Variants in IKZF2 observed in about 807,000 individuals in gnomAD.
IKZF2 encodes IKAROS family zinc finger 2.
In IKZF2, 15 loss-of-function variants were observed where a neutral mutation model predicts 49.2. The observed-to-expected ratio is 0.30, with a 90% CI of 0.20 to 0.47. IKZF2 has a LOEUF of 0.47. Among genes scored for constraint, IKZF2 ranks in the 20% least tolerant of loss-of-function variants. IKZF2 has a pLI of 1.00. For synonymous variants in IKZF2, 227 were observed against 221.4 expected, an observed-to-expected ratio of 1.03 and a Z score of -0.23; for missense variants, 567 against 664.6, an observed-to-expected ratio of 0.85 and a Z score of 1.61.
At chr2:213,041,532 G>C (rs987682106) in intron 6 of IKZF2, among the ~76,000 whole-genome samples, 1 of 151,996 alleles carries the variant, frequency 6.6e-6, no homozygotes, top group African/African-American at 2.4e-5. Context: ...TCGATCTCCT[G>C]ACCTCATGAT....
intron 4 of IKZF2, among the ~76,000 whole-genome samples, chr2:213,109,262 A>G (rs1020177420): frequency 3.3e-5 from 5 of 152,022 alleles, no homozygotes; most frequent in Admixed American, 2.6e-4. Context: ...AGCAGTGAAA[A>G]TTTTATAATC....
chr2:213,114,327 C>A (rs1368211137), intron 4 of IKZF2, among the ~76,000 whole-genome samples: 1 of 152,034 alleles, frequency 6.6e-6, no homozygotes, highest in Non-Finnish European at 1.5e-5. Flanking sequence ...TAAATTGTTA[C>A]AGAAACATCT....
intron 6 of IKZF2, among the ~76,000 whole-genome samples, chr2:213,022,632 A>G (rs150590658): frequency 6.6e-6 from 1 of 152,346 alleles, no homozygotes; most frequent in African/African-American, 2.4e-5. Context: ...AAAGAACTCA[A>G]GTGGTGAGAA....
intron 6 of IKZF2, among the ~76,000 whole-genome samples, chr2:213,039,366 T>C (rs1699387651): frequency 6.6e-6 from 1 of 152,074 alleles, no homozygotes; most frequent in Non-Finnish European, 1.5e-5. Context: ...TATATATATA[T>C]ACTAAAAATG....
Position 213,147,793 on chromosome 2 carries a change from G to C in IKZF2, c.54C>G (p.Pro18=). 1 of 1,613,054 alleles carries C rather than the reference G, an allele frequency of 6.2e-7. No homozygotes were observed. The highest frequency in any genetic ancestry group is 1.3e-5 in the African/African-American group (1 of 74,992). Residue 18 remains proline, a synonymous_variant, in exon 4 of 9, where the codon CCC becomes CCG. Coordinates refer to ENST00000434687, the MANE Select transcript of IKZF2 (RefSeq NM_001387220.1). ...TTGCCATATTGGAGTGCTCCCTTTC[G>C]GGTGAAAGCTCATTGTCACCTGCTT... is the stretch of plus-strand genomic sequence containing the variant. The part of the protein sequence containing the change: ...GYITCDNELS[P]EREHSNMAID...
At chr2:213,150,786 C>T (rs934870457) in intron 1 of IKZF2, among the ~76,000 whole-genome samples, 1 of 151,282 alleles carries the variant, frequency 6.6e-6, no homozygotes, top group African/African-American at 2.4e-5. Flanking sequence ...CTGTTTTTGG[C>T]CCTTGGCAAA....
chr2:213,103,200 T>C (rs1266892557), intron 4 of IKZF2, among the ~76,000 whole-genome samples: 1 of 152,156 alleles, frequency 6.6e-6, no homozygotes, highest in Non-Finnish European at 1.5e-5. Context: ...ACTCAGTCAG[T>C]AGCTAGTTAT....
chr2:213,036,205 T>C (rs1321857446), intron 6 of IKZF2, among the ~76,000 whole-genome samples: 1 of 152,092 alleles, frequency 6.6e-6, no homozygotes, highest in Non-Finnish European at 1.5e-5. Flanking sequence ...CAATAATACA[T>C]TGTTGCCAAA....
At position 213,002,958 on chromosome 2, in the gene IKZF2, TTGTAATCA is replaced by T. The variant is rs966263583; in HGVS notation, c.*4394_*4401del. Reference sequence around the variant, plus strand: ...CACTCTATATTTTACCTGCATAATCTTGTAATCATATTCAGAAATACTATGAAACTAAA... The same window carrying T: ...CACTCTATATTTTACCTGCATAATCTTATTCAGAAATACTATGAAACTAAA... On this transcript the variant is annotated 3_prime_UTR_variant, in exon 9 of 9. Transcript: ENST00000434687. 2.0e-4 allele frequency: 31 copies of T among 152,128 alleles called. No homozygotes were observed. Among genetic ancestry groups the T allele is most frequent in the African/African-American group, 7.0e-4 (29 of 41,538 alleles). 9.4% of individuals were successfully genotyped at this position (152,128 alleles called of 1,614,324 possible).
chr2:213,070,187 A>G (rs1200629284), intron 4 of IKZF2, among the ~76,000 whole-genome samples: 1 of 152,166 alleles, frequency 6.6e-6, no homozygotes, highest in Non-Finnish European at 1.5e-5. Context: ...CAAGGTTCAT[A>G]TGAATACAGT....
chr2:213,019,411 C>T (rs902705917), intron 7 of IKZF2, among the ~76,000 whole-genome samples: 22 of 152,080 alleles, frequency 1.4e-4, no homozygotes, highest in East Asian at 3.8e-4. Context: ...TTATATGAGA[C>T]GTATGTTAAT....
chr2:213,127,836 AAT>A (rs1405145442), intron 4 of IKZF2, among the ~76,000 whole-genome samples: 1 of 152,202 alleles, frequency 6.6e-6, no homozygotes, highest in Non-Finnish European at 1.5e-5. Flanking sequence ...CTAACTTAAG[AAT>A]ACATGTATTT....
At chr2:213,063,016 C>T (rs904639077) in intron 4 of IKZF2, among the ~76,000 whole-genome samples, 11 of 151,958 alleles carry the variant, frequency 7.2e-5, no homozygotes, top group African/African-American at 2.7e-4. Flanking sequence ...TTAATATCCT[C>T]AGCAAAATTT....
chr2:213,025,279 T>C (rs1328996464), intron 6 of IKZF2, among the ~76,000 whole-genome samples: 1 of 152,120 alleles, frequency 6.6e-6, no homozygotes, highest in Non-Finnish European at 1.5e-5. Flanking sequence ...CCCTCTTTGC[T>C]CTCTAAATGA....
At chr2:213,149,025 T>C (rs1281090381) in intron 2 of IKZF2, among the ~76,000 whole-genome samples, 1 of 152,232 alleles carries the variant, frequency 6.6e-6, no homozygotes. Flanking sequence ...GTTTGAGGAC[T>C]TCCCCAGTAT....
chr2:213,151,516 T>C lies in IKZF2; in HGVS notation c.-223A>G, dbSNP rs1306184087. The stretch of plus-strand genomic sequence containing the variant: ...CTTTCCTGTGCCTAACGTGTGTTTG[T>C]GCACTGCAGTTGGTGGTGGAAACTA... On this transcript the variant is annotated 5_prime_UTR_variant, in exon 1 of 9. Transcript: ENST00000434687. 6.6e-6 allele frequency: 1 copy of C among 152,640 alleles called. No individual in the cohort carries two copies. Among genetic ancestry groups the C allele is most frequent in the Non-Finnish European group, 1.5e-5 (1 of 68,090 alleles). The allele number at this position is 152,640 out of a possible 1,614,324, so 9.5% of individuals were successfully genotyped here.
intron 7 of IKZF2, chr2:213,021,509 G>A (rs1052315128): frequency 1.5e-5 from 4 of 263,254 alleles, no homozygotes; most frequent in Non-Finnish European, 2.2e-5. Context: ...CTTGGAGAAT[G>A]TTTTTTGTGG....
chr2:213,099,921 A>G (rs1052876244), intron 4 of IKZF2, among the ~76,000 whole-genome samples: 2 of 152,148 alleles, frequency 1.3e-5, no homozygotes, highest in African/African-American at 4.8e-5. Context: ...TAAAGGCTCT[A>G]CTGCTTTAGA....
At chr2:213,121,406 T>C (rs1321484542) in intron 4 of IKZF2, among the ~76,000 whole-genome samples, 3 of 152,240 alleles carry the variant, frequency 2.0e-5, no homozygotes, top group Non-Finnish European at 4.4e-5. Flanking sequence ...TATGGCTTCC[T>C]ATCTTAGGCA....
Sources: gnomAD v4.1 joint callset for allele counts (sites outside exome capture counted in the v4.1 genomes callset) on GRCh38, gnomAD v4.1.1 for gene constraint, MANE v1.5 for transcripts, NCBI Gene and HGNC (gene_info 2026-07-23, HGNC 2026-07-21) for gene names.